The following CCDC15 variants were observed in gnomAD, a reference collection of about 807,000 sequenced individuals.
CCDC15 encodes coiled-coil domain containing 15.
A neutral mutation model predicts 114.5 loss-of-function variants in CCDC15; 105 were observed. That is an observed-to-expected ratio of 0.92 (90% CI 0.78 to 1.08). The LOEUF is 1.08. CCDC15 is among the 50% of genes least tolerant of loss of function. The probability of loss-of-function intolerance (pLI) is 0.00; values close to 1 mark genes in which losing one functional copy is unlikely to be tolerated. For missense variants in CCDC15, 1,105 were observed against 1,093.6 expected (o/e 1.01, Z -0.15); for synonymous variants, 334 against 377.8 (o/e 0.88, Z 1.34).
chr11:125,021,976 C>T (rs1280600808), intron 13 of CCDC15, among the ~76,000 whole-genome samples: 2 of 151,768 alleles, frequency 1.3e-5, no homozygotes, highest in East Asian at 1.9e-4. Flanking sequence ...TGGGAGTTAC[C>T]GAACTTAACA....
chr11:124,987,477 G>C lies in CCDC15; in HGVS notation c.1251G>C (p.Gln417His), dbSNP rs1398299481. ...CCCAGGATTTTCTACCCACAAATCA[G>C]GCTCTTCTAACGAAAAACCAGGATG... ...LKTQDFLPTN[Q>H]ALLTKNQDVL... Residue 417 changes from glutamine (Q) to histidine (H), a missense_variant, in exon 8 of 16, where the codon CAG becomes CAC. By Grantham distance (24) the Gln-to-His change is conservative (BLOSUM62 0). Transcript: ENST00000344762. 2 of 1,613,942 alleles carry C rather than the reference G, an allele frequency of 1.2e-6. No individual in the cohort carries two copies. The highest frequency in any genetic ancestry group is 2.7e-5 in the African/African-American group (2 of 75,026).
intron 13 of CCDC15, among the ~76,000 whole-genome samples, chr11:125,022,165 T>G (rs1039134606): frequency 6.6e-6 from 1 of 151,956 alleles, no homozygotes; most frequent in East Asian, 1.9e-4. Flanking sequence ...GAGAGCAAGA[T>G]GACATATATT....
intron 4 of CCDC15, among the ~76,000 whole-genome samples, chr11:124,968,318 G>A (rs1032504960): frequency 6.6e-6 from 1 of 152,128 alleles, no homozygotes; most frequent in African/African-American, 2.4e-5. Flanking sequence ...CACCCAGTTC[G>A]AGCTTCCTAG....
intron 11 of CCDC15, among the ~76,000 whole-genome samples, chr11:124,997,340 G>T (rs1207485528): frequency 1.3e-5 from 2 of 152,186 alleles, no homozygotes; most frequent in African/African-American, 4.8e-5. Context: ...GCCCAGGCTG[G>T]ATTGCAGTGG....
At chr11:125,033,127 G>A (rs945768570) in intron 13 of CCDC15, among the ~76,000 whole-genome samples, 1 of 152,170 alleles carries the variant, frequency 6.6e-6, no homozygotes, top group African/African-American at 2.4e-5. Flanking sequence ...GCTCCAGTCT[G>A]GATATTGATT....
In CCDC15 at chr11:124,954,799, C is replaced by T; in HGVS notation, c.67C>T (p.Leu23=). The part of the protein sequence containing the change: ...TSRLPLALNP[L]KSKDVLAVLA... ...AAGGTTGCCCCTGGCTTTAAACCCC[C>T]TGAAGAGCAAGGACGTGTTGGCAGT... The change falls in exon 2 of 16, where the codon CTG becomes TTG. Residue 23 remains leucine (L), a synonymous_variant. Coordinates refer to ENST00000344762, the MANE Select transcript of CCDC15 (RefSeq NM_025004.3). 1 of 1,614,022 alleles carries T rather than the reference C, an allele frequency of 6.2e-7. No homozygotes were observed. The highest frequency in any genetic ancestry group is 2.2e-5 in the East Asian group (1 of 44,888).
chr11:125,006,893 T>C (rs1055228323), intron 13 of CCDC15, among the ~76,000 whole-genome samples: 3 of 152,230 alleles, frequency 2.0e-5, no homozygotes, highest in African/African-American at 7.2e-5. Context: ...ATTTGTCTAT[T>C]CTTTTGCCAT....
At chr11:125,004,098 T>A (rs1948522225) in intron 12 of CCDC15, 139 bp downstream of exon 12, 3 of 460,078 alleles carry the variant, frequency 6.5e-6, no homozygotes, top group South Asian at 1.3e-4. Flanking sequence ...TAAAAGTTGC[T>A]TGACTCATTA....
chr11:125,007,511 C>T (rs1948561112), intron 13 of CCDC15, among the ~76,000 whole-genome samples: 1 of 152,150 alleles, frequency 6.6e-6, no homozygotes, highest in Non-Finnish European at 1.5e-5. Flanking sequence ...AATATCTTGA[C>T]AATTGTGAAT....
chr11:124,977,975 T>C (rs1367363324), intron 6 of CCDC15, among the ~76,000 whole-genome samples: 1 of 152,142 alleles, frequency 6.6e-6, no homozygotes. Context: ...CTTTACCTAA[T>C]AGGTAGTTTT....
rs758284810 is a variant in CCDC15, at chr11:125,003,852, G to A, written c.2215-15G>A. 6.1e-6 allele frequency: 9 copies of A among 1,475,120 alleles called. No homozygotes were observed. Among genetic ancestry groups the A allele is most frequent in the Non-Finnish European group, 8.2e-6 (9 of 1,096,318 alleles). The allele number at this position is 1,475,120 out of a possible 1,614,324, so 91.4% of individuals were successfully genotyped here. A position where few individuals can be genotyped will look rare whatever the true frequency, so the allele number is the denominator to read the frequency against. ...GGTAATTTTGTCACTTTGTGTGACT[G>A]GACCTTCTTAACAGGCTTATGATAG... is the stretch of plus-strand genomic sequence containing the variant. On this transcript the variant is annotated splice_polypyrimidine_tract_variant and intron_variant, in intron 11 of 15. Transcript: ENST00000344762.
chr11:124,970,996 C>T (rs1947868195), intron 4 of CCDC15, among the ~76,000 whole-genome samples: 1 of 152,122 alleles, frequency 6.6e-6, no homozygotes, highest in South Asian at 2.1e-4. Context: ...TGCATCAAGG[C>T]CTATTTTTAT....
chr11:124,984,354 G>A (rs1256967026), intron 6 of CCDC15, among the ~76,000 whole-genome samples: 2 of 152,094 alleles, frequency 1.3e-5, no homozygotes. Flanking sequence ...AGGCACCCCG[G>A]TGGGCATCTG....
chr11:125,038,248 G>C, intron 13 of CCDC15, 183 bp from the exon 14 acceptor site: 1 of 458,722 alleles, frequency 2.2e-6, no homozygotes, highest in Non-Finnish European at 3.8e-6. Context: ...AGTAGCCATT[G>C]CTCATTTCTC....
chr11:125,030,991 ATTTC>A (rs1404297274), intron 13 of CCDC15, among the ~76,000 whole-genome samples: 1 of 152,092 alleles, frequency 6.6e-6, no homozygotes, highest in Non-Finnish European at 1.5e-5. Context: ...TCTTCCCCAG[ATTTC>A]TTTGTCACCA....
rs770216323 is a variant in CCDC15 at position 124,977,496 on chromosome 11, C to T, written c.649C>T (p.Pro217Ser). Reference sequence around the variant, plus strand: ...TTTCCAGGAAGTGCTTTCCAGGAAACCAGCATCCACTGGGATAAATACAGG... The same window carrying T: ...TTTCCAGGAAGTGCTTTCCAGGAAATCAGCATCCACTGGGATAAATACAGG... ...LTREEVLSRKPASTGINTGIR... is the reference protein window; with the variant it reads ...LTREEVLSRKSASTGINTGIR... Residue 217 changes from proline to serine, a missense_variant, in exon 6 of 16, where the codon CCA (proline) becomes TCA (serine). Pro to Ser is a moderately conservative substitution (Grantham distance 74). Coordinates refer to ENST00000344762, the MANE Select transcript of CCDC15 (RefSeq NM_025004.3). 2.4e-5 allele frequency: 39 copies of T among 1,595,424 alleles called. No individual in the cohort carries two copies. In the Admixed American group the frequency reaches 3.0e-4, roughly 12 times the overall value.
intron 13 of CCDC15, among the ~76,000 whole-genome samples, chr11:125,011,942 T>C (rs1444802952): frequency 1.3e-5 from 2 of 152,182 alleles, no homozygotes; most frequent in African/African-American, 4.8e-5. Flanking sequence ...CTATTCTTAT[T>C]CATACCTCTA....
Position 124,987,929 on chromosome 11 carries a change from G to C in CCDC15, c.1703G>C (p.Gly568Ala). ...QDQDFLPRDQ[G>A]VLPKDQNILP... ...CAGGATTTTCTACCCAGAGACCAAG[G>C]TGTTCTTCCCAAAGACCAAAATATT... Residue 568 changes from glycine (G) to alanine (A), a missense_variant, in exon 8 of 16, where the codon GGT becomes GCT. Gly to Ala is a moderately conservative substitution (Grantham distance 60). Coordinates refer to ENST00000344762, the MANE Select transcript of CCDC15 (RefSeq NM_025004.3). 1 of 1,613,234 alleles carries C rather than the reference G, an allele frequency of 6.2e-7. No homozygotes were observed. Among genetic ancestry groups the C allele is most frequent in the South Asian group, 1.1e-5 (1 of 90,980 alleles).
At chr11:125,027,457 T>C (rs1319743100) in intron 13 of CCDC15, among the ~76,000 whole-genome samples, 3 of 152,178 alleles carry the variant, frequency 2.0e-5, no homozygotes, top group Non-Finnish European at 4.4e-5. Context: ...GATACCTCAT[T>C]GTGGTTTTAA....
Sources: allele counts gnomAD v4.1 joint callset (sites outside exome capture counted in the v4.1 genomes callset), GRCh38; gene constraint gnomAD v4.1.1; transcripts MANE v1.5; gene names NCBI Gene and HGNC (gene_info 2026-07-23, HGNC 2026-07-21).